The following IQSEC1 variants were observed in gnomAD, a reference collection of about 807,000 sequenced individuals.
IQSEC1 encodes the protein IQ motif and SEC7 domain-containing protein 1.
A neutral mutation model predicts 91.0 loss-of-function variants in IQSEC1; 31 were observed. The observed-to-expected ratio is 0.34, with a 90% CI of 0.26 to 0.46. The LOEUF (loss-of-function observed/expected upper bound fraction) is 0.46. Among genes scored for constraint, IQSEC1 ranks in the 20% least tolerant of loss-of-function variants. The pLI, the probability that IQSEC1 is intolerant of heterozygous loss-of-function variation, is 1.00. For missense variants in IQSEC1, 1,388 were observed against 1,575.6 expected, an observed-to-expected ratio of 0.88 and a Z score of 2.02; for synonymous variants, 699 against 662.6, an observed-to-expected ratio of 1.05 and a Z score of -0.84.
rs1447316355 is a variant in IQSEC1, at chr3:13,154,460, T to TACACACAC, written c.302+9643_302+9644insGTGTGTGT. On this transcript the variant is annotated intron_variant, in intron 2 of 15. Coordinates refer to the IQSEC1 transcript ENST00000648114. ...ATGCATATATATATATATATATATA[T>TACACACAC]ATATATATATATATATGCAAAAACT... Among the ~76,000 whole-genome samples, 8 of 59,424 alleles carry TACACACAC rather than the reference T, an allele frequency of 1.3e-4. 2 individuals carry two copies. In the South Asian group the frequency reaches 2.2e-3, roughly 16 times the overall value. 39.0% of individuals were successfully genotyped at this position (59,424 alleles called of 152,430 possible).
chr3:12,999,284 A>T (rs1447361459), intron 1 of IQSEC1, among the ~76,000 whole-genome samples: 1 of 152,110 alleles, frequency 6.6e-6, no homozygotes. Context: ...AGAGCCACTT[A>T]GATATGGAAT....
intron 1 of IQSEC1, chr3:13,047,476 A>C (rs1186662044): frequency 1.0e-6 from 1 of 985,174 alleles, no homozygotes; most frequent in African/African-American, 1.7e-5. Flanking sequence ...GCAAGACAGT[A>C]CCTGTAGCGG....
intron 1 of IQSEC1, among the ~76,000 whole-genome samples, chr3:12,997,641 G>A (rs1702273479): frequency 6.6e-6 from 1 of 152,186 alleles, no homozygotes; most frequent in South Asian, 2.1e-4. Context: ...GTCCTCCTAG[G>A]CTACAAACCT....
At chr3:12,952,696 T>G (rs1034331155) in intron 1 of IQSEC1, among the ~76,000 whole-genome samples, 5 of 152,280 alleles carry the variant, frequency 3.3e-5, no homozygotes, top group African/African-American at 1.2e-4. Flanking sequence ...GCTGTTCCTC[T>G]CCGCTCTGGC....
chr3:12,925,483 T>A (rs1469601087), intron 3 of IQSEC1, among the ~76,000 whole-genome samples: 1 of 152,142 alleles, frequency 6.6e-6, no homozygotes, highest in Non-Finnish European at 1.5e-5. Flanking sequence ...GAGGAAGTAG[T>A]CAGATGCCTG....
At chr3:13,199,876 ACACACACACAC>A (rs780926378) in intron 1 of IQSEC1, among the ~76,000 whole-genome samples, 16 of 150,708 alleles carry the variant, frequency 1.1e-4, no homozygotes, top group Non-Finnish European at 2.4e-4. Context: ...CACATATGCC[ACACACACACAC>A]CACACACACA....
intron 1 of IQSEC1, among the ~76,000 whole-genome samples, chr3:13,205,417 G>T (rs777319666): frequency 2.9e-4 from 44 of 152,086 alleles, no homozygotes; most frequent in Admixed American, 5.9e-4. Flanking sequence ...AATCTGAAAC[G>T]TTCCTGTTAG....
chr3:13,021,631 G>A (rs1244038588), intron 1 of IQSEC1, among the ~76,000 whole-genome samples: 1 of 152,188 alleles, frequency 6.6e-6, no homozygotes, highest in Admixed American at 6.5e-5. Context: ...AGTGACTGAC[G>A]TTTACGGTCA....
At chr3:13,180,855 G>A (rs1034719536) in intron 1 of IQSEC1, among the ~76,000 whole-genome samples, 3 of 151,846 alleles carry the variant, frequency 2.0e-5, no homozygotes, top group Non-Finnish European at 2.9e-5. Flanking sequence ...GAACACATTC[G>A]AACATCAGAA....
intron 2 of IQSEC1, among the ~76,000 whole-genome samples, chr3:13,108,949 A>C (rs192867418): frequency 5.6e-4 from 85 of 152,338 alleles, no homozygotes; most frequent in Middle Eastern, 6.8e-3. Context: ...TGGACAGGAC[A>C]TCAGTCAGAG....
At chr3:13,005,165 A>G (rs1194579948) in intron 1 of IQSEC1, among the ~76,000 whole-genome samples, 2 of 152,216 alleles carry the variant, frequency 1.3e-5, no homozygotes, top group Non-Finnish European at 2.9e-5. Context: ...TGGGGTTAAT[A>G]TGGCATGGGG....
chr3:12,943,114 G>T (rs1173341611), intron 1 of IQSEC1, among the ~76,000 whole-genome samples: 1 of 152,100 alleles, frequency 6.6e-6, no homozygotes, highest in East Asian at 1.9e-4. Context: ...CCTTTTTCAG[G>T]TGAGGAGACT....
intron 1 of IQSEC1, among the ~76,000 whole-genome samples, chr3:13,049,573 C>T (rs1704616566): frequency 6.6e-6 from 1 of 152,164 alleles, no homozygotes. Context: ...CCATTCCCTG[C>T]CTCCTTATCC....
At chr3:13,148,301 G>A (rs751973882) in intron 2 of IQSEC1, among the ~76,000 whole-genome samples, 8 of 152,072 alleles carry the variant, frequency 5.3e-5, no homozygotes, top group African/African-American at 1.4e-4. Flanking sequence ...GGCCTGGTAC[G>A]GGGGCAAGGT....
At position 12,909,633 on chromosome 3, in the gene IQSEC1, G is replaced by A. The variant is rs1011494460; in HGVS notation, c.2417-199C>T. On this transcript the variant is annotated intron_variant, in intron 10 of 13. Transcript: ENST00000613206. The surrounding 1 kb of genome is among the most constrained non-coding windows in gnomAD (Gnocchi z 4.9). ...CGACTTGGGAAAGATGGTCTGTGTC[G>A]CTCCACATGTGACTCAGGGACAAAA... Among the ~76,000 whole-genome samples the A allele has an allele frequency of 4.6e-5, 7 of 152,320 alleles. No homozygotes were observed. Among genetic ancestry groups the A allele is most frequent in the Middle Eastern group, 3.4e-3 (1 of 294 alleles).
Position 13,172,396 on chromosome 3 carries a change from G to A in IQSEC1, c.273-8263C>T, listed in dbSNP as rs531377864. Among the ~76,000 whole-genome samples the A allele has an allele frequency of 9.6e-4, 146 of 152,240 alleles. 1 individual carries two copies. Among genetic ancestry groups the A allele is most frequent in the African/African-American group, 3.3e-3 (136 of 41,534 alleles). On this transcript the variant is annotated intron_variant, in intron 1 of 15. Coordinates refer to the IQSEC1 transcript ENST00000648114. The stretch of plus-strand genomic sequence containing the variant: ...GTCATGGATGACTAGGAGGCACGTC[G>A]GCCTTCCTTAAACAGGACAGGCCCA...
chr3:13,189,755 G>C (rs578024800), intron 1 of IQSEC1, among the ~76,000 whole-genome samples: 11 of 152,258 alleles, frequency 7.2e-5, no homozygotes, highest in African/African-American at 2.2e-4. Context: ...TGCCTGCAAG[G>C]CTCTTCCCCC....
rs183036507 is a variant in IQSEC1 at position 13,012,081 on chromosome 3, C to T, written c.23+60911G>A. On this transcript the variant is annotated intron_variant, in intron 1 of 13. Transcript: ENST00000613206. ...CAACATATGGAGGGGGTGTGGCACA[C>T]GGTAGGTGTACACTAAGTGCTCATT... Among the ~76,000 whole-genome samples the T allele has an allele frequency of 1.1e-3, 173 of 152,314 alleles. 1 individual carries two copies. Among genetic ancestry groups the T allele is most frequent in the Admixed American group, 2.1e-3 (32 of 15,302 alleles).
intron 1 of IQSEC1, among the ~76,000 whole-genome samples, chr3:13,019,643 C>T (rs552873958): frequency 2.2e-4 from 34 of 152,320 alleles, no homozygotes; most frequent in Non-Finnish European, 3.8e-4. Flanking sequence ...GGGCAGAGTG[C>T]TTCTCTTGGA....
Sources: allele counts gnomAD v4.1 joint callset (sites outside exome capture counted in the v4.1 genomes callset), GRCh38; gene constraint gnomAD v4.1.1; non-coding constraint Gnocchi (gnomAD v3.1); transcripts MANE v1.5; gene names NCBI Gene and HGNC (gene_info 2026-07-23, HGNC 2026-07-21).